CROCC2: variants seen among roughly 807,000 people sequenced by gnomAD.
CROCC2 encodes ciliary rootlet coiled-coil protein 2.
In CROCC2, 163 loss-of-function variants were observed where a neutral mutation model predicts 177.6. That is an observed-to-expected ratio of 0.92 (90% confidence interval 0.81 to 1.05). The LOEUF (loss-of-function observed/expected upper bound fraction) is 1.05. Among genes scored for constraint, CROCC2 ranks in the 50% least tolerant of loss-of-function variants. The pLI is 0.00. For missense variants in CROCC2, 1,929 were observed against 1,797.8 expected (o/e 1.07, Z -1.32); for synonymous variants, 904 against 787.3 (o/e 1.15, Z -2.48).
intron 5 of CROCC2, among the ~76,000 whole-genome samples, chr2:240,929,008 C>T (rs1451229089): frequency 1.4e-5 from 2 of 146,128 alleles, no homozygotes; most frequent in Non-Finnish European, 3.0e-5. Context: ...CCAGCGGGTG[C>T]ATGGCCAGGT....
chr2:240,973,143 A>C lies in CROCC2; in HGVS notation c.4401+4881A>C, dbSNP rs1574790780. Among the ~76,000 whole-genome samples, 2 of 152,220 alleles carry C rather than the reference A, an allele frequency of 1.3e-5. No individual in the cohort carries two copies. The highest frequency in any genetic ancestry group is 4.8e-5 in the African/African-American group (2 of 41,454). The stretch of plus-strand genomic sequence containing the variant: ...GGTTGGTTTTTCCCCTGTTTCACAT[A>C]AGCCGATGTGTTTGTCAAGAGAAAG... On this transcript the variant is annotated intron_variant, in intron 27 of 31. Coordinates refer to ENST00000690015, the MANE Select transcript of CROCC2 (RefSeq NM_001351305.2). This position sits in a 1 kb window ranked among gnomAD's most constrained non-coding sequence, Gnocchi z 4.7.
Position 240,935,451 on chromosome 2 carries a change from C to T in CROCC2, c.2032C>T (p.Gln678Ter). The part of the protein sequence containing the change: ...AGEQLAQAEQ[Q>*]LALERAERRG... The stretch of plus-strand genomic sequence containing the variant: ...GGAGCAGCTGGCACAGGCGGAGCAG[C>T]AGCTGGCGCTGGAGCGGGCAGAGCG... Residue 678 changes from glutamine (Q) to a stop codon, truncating the protein, a stop_gained, in exon 14 of 32, where the codon CAG becomes TAG. Transcript: ENST00000690015. LOFTEE classifies it high-confidence loss of function. The T allele has an allele frequency of 1.5e-6, 2 of 1,367,262 alleles. No homozygotes were observed. The highest frequency in any genetic ancestry group is 1.9e-6 in the Non-Finnish European group (2 of 1,055,166). 84.7% of individuals were successfully genotyped at this position (1,367,262 alleles called of 1,614,324 possible). A position where few individuals can be genotyped will look rare whatever the true frequency, so the allele number is the denominator to read the frequency against.
At chr2:240,954,778 C>A (rs1287956050) in intron 18 of CROCC2, 3 of 152,142 alleles carry the variant, frequency 2.0e-5, no homozygotes, top group Non-Finnish European at 4.4e-5. Context: ...AGCAGACAGT[C>A]CCCATCCTGA....
At chr2:240,936,258 G>A (rs2059469606) in intron 14 of CROCC2, among the ~76,000 whole-genome samples, 1 of 152,114 alleles carries the variant, frequency 6.6e-6, no homozygotes, top group Non-Finnish European at 1.5e-5. Context: ...ATTGTACAAA[G>A]CCAGGTAGCC....
chr2:240,944,170 A>G (rs1429493583), intron 14 of CROCC2, among the ~76,000 whole-genome samples: 3 of 152,230 alleles, frequency 2.0e-5, no homozygotes, highest in Non-Finnish European at 4.4e-5. Context: ...TCATTGTTGC[A>G]TAGAAAGCAA....
chr2:240,951,074 C>A (rs2059553107), intron 18 of CROCC2: 1 of 151,496 alleles, frequency 6.6e-6, no homozygotes, highest in Non-Finnish European at 1.5e-5. Flanking sequence ...CACCCATTCA[C>A]CTCCTCATCC....
chr2:240,965,474 C>G lies in CROCC2; in HGVS notation c.3559C>G (p.Gln1187Glu), dbSNP rs770890478. Residue 1187 changes from glutamine to glutamate, a missense_variant, in exon 23 of 32, where the codon CAG (glutamine) becomes GAG (glutamate). Around this residue, in one of 3 missense-constraint regions of CROCC2, gnomAD observed 144 missense variants for 205.2 expected, o/e 0.70. Coordinates refer to ENST00000690015, the MANE Select transcript of CROCC2 (RefSeq NM_001351305.2). ...CSQEVLELRR[Q>E]AAKAEAKHEG... ...GCAGGAGGTGCTGGAGCTGCGGAGG[C>G]AGGCAGCCAAGGCAGAGGCCAAGCA... 9.0e-6 allele frequency: 14 copies of G among 1,549,934 alleles called. No individual in the cohort carries two copies. Among genetic ancestry groups the G allele is most frequent in the Non-Finnish European group, 5.2e-6 (6 of 1,146,992 alleles).
Position 240,930,976 on chromosome 2 carries a change from C to A in CROCC2, c.795C>A (p.Arg265=), listed in dbSNP as rs7574965. The change falls in exon 7 of 32, where the codon CGC becomes CGA. Residue 265 remains arginine, a synonymous_variant. Transcript: ENST00000690015. ...CAGACACGGCCAGGACAGCCCGCCG[C>A]CTGCACACCGCCTGCCTGAACCTCG... ...LQADTARTAR[R]LHTACLNLDS... 1.3e-5 allele frequency: 9 copies of A among 715,560 alleles called. No individual in the cohort carries two copies. Among genetic ancestry groups the A allele is most frequent in the South Asian group, 1.2e-4 (8 of 67,538 alleles). The allele number at this position is 715,560 out of a possible 1,614,324, so 44.3% of individuals were successfully genotyped here. A position where few individuals can be genotyped will look rare whatever the true frequency, so the allele number is the denominator to read the frequency against.
At chr2:240,950,777 A>C (rs1015866730) in intron 18 of CROCC2, 1 of 443,060 alleles carries the variant, frequency 2.3e-6, no homozygotes, top group African/African-American at 2.0e-5. Flanking sequence ...CCATCCATCC[A>C]TCTCTCCATC....
At position 240,965,313 on chromosome 2, in the gene CROCC2, G is replaced by A. The variant is rs545231631; in HGVS notation, c.3466-68G>A. 21 of 1,535,014 alleles carry A rather than the reference G, an allele frequency of 1.4e-5. No homozygotes were observed. In the Admixed American group the frequency reaches 1.4e-4, roughly 10 times the overall value. ...AAGGGACGTGTGAGCGGAGGCAGGAGGCAGGGAGGCTGCCTGGGTTCCAGC... is the reference window on the plus strand; with the variant it reads ...AAGGGACGTGTGAGCGGAGGCAGGAAGCAGGGAGGCTGCCTGGGTTCCAGC... On this transcript the variant is annotated intron_variant, in intron 22 of 31. Coordinates refer to ENST00000690015, the MANE Select transcript of CROCC2 (RefSeq NM_001351305.2).
chr2:240,957,770 C>A (rs1282524092), intron 19 of CROCC2, among the ~76,000 whole-genome samples: 1 of 152,156 alleles, frequency 6.6e-6, no homozygotes, highest in African/African-American at 2.4e-5. Flanking sequence ...CCCCACCCTG[C>A]TCTGTTCCTG....
In CROCC2 at chr2:240,988,777, G is replaced by C. The variant is rs1214595187; in HGVS notation, c.4590G>C (p.Ala1530=). The C allele has an allele frequency of 1.2e-5, 18 of 1,509,200 alleles. No homozygotes were observed. The highest frequency in any genetic ancestry group is 2.8e-5 in the African/African-American group (2 of 71,892). 93.5% of individuals were successfully genotyped at this position (1,509,200 alleles called of 1,614,324 possible). Residue 1530 remains alanine (A), a synonymous_variant, in exon 29 of 32, where the codon GCG becomes GCC. Coordinates refer to ENST00000690015, the MANE Select transcript of CROCC2 (RefSeq NM_001351305.2). ...QETLKREEDV[A]RLGAEKEQLD... Reference sequence around the variant, plus strand: ...CACTGAAGAGGGAGGAGGATGTGGCGAGGCTGGGGGCTGAGAAGGAGCAGC... The same window carrying C: ...CACTGAAGAGGGAGGAGGATGTGGCCAGGCTGGGGGCTGAGAAGGAGCAGC...
chr2:240,976,193 C>T (rs1199627097), intron 27 of CROCC2, among the ~76,000 whole-genome samples: 1 of 148,442 alleles, frequency 6.7e-6, no homozygotes. Context: ...CATCCCTGCT[C>T]AGTCTCTGGG....
At position 240,935,551 on chromosome 2, in the gene CROCC2, G is replaced by T; in HGVS notation, c.2132G>T (p.Gly711Val). 7.4e-7 allele frequency: 1 copy of T among 1,350,070 alleles called. No individual in the cohort carries two copies. Among genetic ancestry groups the T allele is most frequent in the Non-Finnish European group, 9.5e-7 (1 of 1,050,314 alleles). 83.6% of individuals were successfully genotyped at this position (1,350,070 alleles called of 1,614,324 possible). Residue 711 changes from glycine (G) to valine (V), a missense_variant, in exon 14 of 32, where the codon GGG becomes GTG. This residue lies in a region of CROCC2 where 1,397 missense variants were observed against 1,239.9 expected (regional missense o/e 1.13). Coordinates refer to ENST00000690015, the MANE Select transcript of CROCC2 (RefSeq NM_001351305.2). ...EQLEGQAALL[G>V]REKAQLQEQV... ...CTGGAGGGGCAGGCAGCCCTGCTGG[G>T]GCGAGAGAAGGCCCAGCTCCAGGAG...
Position 240,946,180 on chromosome 2 carries a change from G to GC in CROCC2, c.2293dup (p.Gln765ProfsTer18). ...AAAGGATGCTCTGTCTGAGGAGCGGGCCCAGCTGCTGGCCAAGCAGGAGGC... is the reference window on the plus strand; with the variant it reads ...AAAGGATGCTCTGTCTGAGGAGCGGGCCCCAGCTGCTGGCCAAGCAGGAGGC... On this transcript the variant is annotated frameshift_variant, in exon 15 of 32. Transcript: ENST00000690015. LOFTEE classifies it high-confidence loss of function. 6.5e-7 allele frequency: 1 copy of GC among 1,547,842 alleles called. No homozygotes were observed. The highest frequency in any genetic ancestry group is 1.2e-5 in the South Asian group (1 of 83,986).
intron 27 of CROCC2, among the ~76,000 whole-genome samples, chr2:240,971,354 A>C (rs1429344896): frequency 6.6e-6 from 1 of 152,166 alleles, no homozygotes; most frequent in Non-Finnish European, 1.5e-5. Flanking sequence ...CGTGGGTCCG[A>C]GCAACATGTT....
At chr2:240,926,305 C>G (rs1470508811) in intron 5 of CROCC2, among the ~76,000 whole-genome samples, 1 of 152,218 alleles carries the variant, frequency 6.6e-6, no homozygotes, top group Non-Finnish European at 1.5e-5. Context: ...CAGCCTTTCC[C>G]ACTCCAACTT....
chr2:240,946,041 C>CCCTCCCCA lies in CROCC2; in HGVS notation c.2170-11_2170-4dup. 6.8e-7 allele frequency: 1 copy of CCCTCCCCA among 1,479,110 alleles called. No homozygotes were observed. The highest frequency in any genetic ancestry group is 9.1e-7 in the Non-Finnish European group (1 of 1,100,130). The allele number at this position is 1,479,110 out of a possible 1,614,324, so 91.6% of individuals were successfully genotyped here. ...TTACTCTCTTTCTCTGCCGACTGTC[C>CCCTCCCCA]CCTCCCCACCTCCCCTAGGTCACAT... On this transcript the variant is annotated intron_variant, in intron 14 of 31. Coordinates refer to ENST00000690015, the MANE Select transcript of CROCC2 (RefSeq NM_001351305.2).
At chr2:240,991,367 C>T in intron 31 of CROCC2, 89 bp downstream of exon 31, 1 of 1,181,240 alleles carries the variant, frequency 8.5e-7, no homozygotes, top group Non-Finnish European at 1.2e-6. Context: ...GTGCTGGAGG[C>T]CCTAGGCTGC....
Sources: gnomAD v4.1 joint callset for allele counts (sites outside exome capture counted in the v4.1 genomes callset) on GRCh38, gnomAD v4.1.1 for gene constraint, gnomAD v4.1.1 regional missense constraint, Gnocchi (gnomAD v3.1) non-coding constraint, MANE v1.5 for transcripts, NCBI Gene and HGNC (gene_info 2026-07-23, HGNC 2026-07-21) for gene names.